Variants in MAGI2 observed in about 807,000 individuals in gnomAD.
MAGI2 encodes membrane-associated guanylate kinase, WW and PDZ domain-containing protein 2.
In MAGI2, 35 loss-of-function variants were observed where a neutral mutation model predicts 133.3. That is an observed-to-expected ratio of 0.26 (90% CI 0.20 to 0.35). The LOEUF (loss-of-function observed/expected upper bound fraction) is 0.35. Among genes scored for constraint, MAGI2 ranks in the 10% least tolerant of loss-of-function variants. The pLI, the probability that MAGI2 is intolerant of heterozygous loss-of-function variation, is 1.00. For missense variants in MAGI2, 1,636 were observed against 1,863.4 expected (o/e 0.88, Z 2.25); for synonymous variants, 729 against 710.6 (o/e 1.03, Z -0.41).
intron 1 of MAGI2, among the ~76,000 whole-genome samples, chr7:79,194,339 A>C (rs1040688495): frequency 6.6e-6 from 1 of 151,976 alleles, no homozygotes; most frequent in East Asian, 1.9e-4. Context: ...AGAAAATATT[A>C]ATTTTGTTAC....
intron 9 of MAGI2, among the ~76,000 whole-genome samples, chr7:78,275,472 CACTCAGTGACAGAATT>C (rs6150176): frequency 0.56 from 85,380 of 151,412 alleles, 26,536 homozygotes; most frequent in African/African-American, 0.83. Flanking sequence ...TAGGGAGAAT[CACTCAGTGACAGAATT>C]ACTCAGTGAC....
chr7:79,410,038 T>C (rs534506545), intron 1 of MAGI2: 2 of 152,146 alleles, frequency 1.3e-5, no homozygotes, highest in East Asian at 1.9e-4. Context: ...GAAACACATA[T>C]AGGAATTCAG....
chr7:79,337,092 T>C (rs1840491060), intron 1 of MAGI2, among the ~76,000 whole-genome samples: 1 of 152,154 alleles, frequency 6.6e-6, no homozygotes, highest in African/African-American at 2.4e-5. Context: ...CATAACATCA[T>C]GTTATAACCT....
At chr7:78,149,813 A>G (rs1467854591) in intron 16 of MAGI2, among the ~76,000 whole-genome samples, 2 of 152,218 alleles carry the variant, frequency 1.3e-5, no homozygotes, top group Non-Finnish European at 2.9e-5. Flanking sequence ...CAGATGGTTC[A>G]TCAGGTACCC....
intron 3 of MAGI2, among the ~76,000 whole-genome samples, chr7:78,612,435 A>T (rs528634890): frequency 8.5e-5 from 13 of 152,280 alleles, no homozygotes; most frequent in African/African-American, 3.1e-4. Flanking sequence ...TATTAACGGG[A>T]TGCTTTATAA....
At chr7:78,275,054 T>C (rs1794931095) in intron 9 of MAGI2, among the ~76,000 whole-genome samples, 2 of 152,082 alleles carry the variant, frequency 1.3e-5, no homozygotes, top group Admixed American at 1.3e-4. Context: ...GTTTTGTGCT[T>C]GAAACCCAGG....
At chr7:79,101,599 C>T (rs1817976837) in intron 1 of MAGI2, among the ~76,000 whole-genome samples, 2 of 151,656 alleles carry the variant, frequency 1.3e-5, no homozygotes, top group South Asian at 4.2e-4. Flanking sequence ...TGGCGGGCGC[C>T]CGTAGTCCCA....
Position 79,265,499 on chromosome 7 carries a change from G to T in MAGI2, c.301+187521C>A, listed in dbSNP as rs543955986. 2.6e-5 allele frequency among the ~76,000 whole-genome samples: 4 copies of T among 151,924 alleles called. No individual in the cohort carries two copies. In the East Asian group the frequency reaches 5.8e-4, roughly 22 times the overall value. Reference sequence around the variant, plus strand: ...AGTACTTTTCCTTTTTTTTGGTGTTGGTTTGTGTGAATGTCCATATTTATA... The same window carrying T: ...AGTACTTTTCCTTTTTTTTGGTGTTTGTTTGTGTGAATGTCCATATTTATA... On this transcript the variant is annotated intron_variant, in intron 1 of 21. Transcript: ENST00000354212.
chr7:79,391,256 G>C (rs182722342), intron 1 of MAGI2, among the ~76,000 whole-genome samples: 14 of 151,532 alleles, frequency 9.2e-5, no homozygotes, highest in Non-Finnish European at 1.2e-4. Flanking sequence ...AGGGAAAGCT[G>C]GTTTAATAAA....
At chr7:78,679,528 A>C (rs941713148) in intron 2 of MAGI2, among the ~76,000 whole-genome samples, 2 of 108,604 alleles carry the variant, frequency 1.8e-5, no homozygotes, top group South Asian at 6.2e-4. Context: ...AAATGAGCAC[A>C]GCTCTAACCT....
intron 1 of MAGI2, among the ~76,000 whole-genome samples, chr7:79,247,257 C>G (rs907531820): frequency 1.3e-5 from 2 of 152,102 alleles, no homozygotes; most frequent in Non-Finnish European, 2.9e-5. Flanking sequence ...AATATTATAA[C>G]ACTTTAATTG....
chr7:79,137,580 G>A (rs1821704968), intron 1 of MAGI2, among the ~76,000 whole-genome samples: 1 of 151,162 alleles, frequency 6.6e-6, no homozygotes. Context: ...AGCCTCCCGT[G>A]CAGCTGGGAT....
At chr7:78,088,120 T>C (rs1158788980) in intron 20 of MAGI2, among the ~76,000 whole-genome samples, 1 of 152,176 alleles carries the variant, frequency 6.6e-6, no homozygotes, top group African/African-American at 2.4e-5. Flanking sequence ...GTGAACTCTG[T>C]ATGAGTGTTA....
chr7:79,144,008 T>C (rs1003823803), intron 1 of MAGI2, among the ~76,000 whole-genome samples: 1 of 152,074 alleles, frequency 6.6e-6, no homozygotes, highest in Non-Finnish European at 1.5e-5. Context: ...ATTAGGTACT[T>C]ATATAGAACA....
intron 1 of MAGI2, among the ~76,000 whole-genome samples, chr7:79,445,998 G>A (rs1848824747): frequency 6.6e-6 from 1 of 152,176 alleles, no homozygotes; most frequent in South Asian, 2.1e-4. Flanking sequence ...AAAAAAGGAT[G>A]AGTTCATGTC....
intron 2 of MAGI2, among the ~76,000 whole-genome samples, chr7:78,711,985 T>A (rs117324341): frequency 0.018 from 2,684 of 152,280 alleles, 25 homozygotes; most frequent in Non-Finnish European, 0.028. Context: ...TACACATTGG[T>A]CTTTAGAAAT....
chr7:79,228,304 C>A (rs1340215124), intron 1 of MAGI2, among the ~76,000 whole-genome samples: 1 of 130,032 alleles, frequency 7.7e-6, no homozygotes, highest in Non-Finnish European at 1.6e-5. Context: ...GATAACACCA[C>A]TGCACCCCAG....
chr7:78,866,807 A>C (rs941124121), intron 2 of MAGI2, among the ~76,000 whole-genome samples: 9 of 152,154 alleles, frequency 5.9e-5, no homozygotes, highest in African/African-American at 1.9e-4. Context: ...AACAACCTAC[A>C]TGATCCAGAA....
chr7:79,254,002 CAAAACAAA>C (rs1833510726), intron 1 of MAGI2, among the ~76,000 whole-genome samples: 1 of 151,632 alleles, frequency 6.6e-6, no homozygotes, highest in African/African-American at 2.4e-5. Flanking sequence ...CAAAACAAAA[CAAAACAAA>C]ACAAAAAAGG....
Sources: gnomAD v4.1 joint callset for allele counts (sites outside exome capture counted in the v4.1 genomes callset) on GRCh38, gnomAD v4.1.1 for gene constraint, MANE v1.5 for transcripts, NCBI Gene and HGNC (gene_info 2026-07-23, HGNC 2026-07-21) for gene names.